Variants in BMERB1 observed in about 807,000 individuals in gnomAD.
The protein encoded by BMERB1 is bMERB domain-containing protein 1.
Under a neutral mutation model 23.6 loss-of-function variants are expected in BMERB1, and 12 were observed. That is an observed-to-expected ratio of 0.51 (90% confidence interval 0.33 to 0.82). BMERB1 has a LOEUF of 0.82. BMERB1 is among the 40% of genes least tolerant of loss of function. BMERB1 has a pLI of 0.03. For missense variants in BMERB1, 247 were observed against 255.4 expected (o/e 0.97, Z 0.22); for synonymous variants, 122 against 96.6 (o/e 1.26, Z -1.54).
At chr16:15,466,235 A>G (rs185304313) in intron 1 of BMERB1, among the ~76,000 whole-genome samples, 12 of 152,302 alleles carry the variant, frequency 7.9e-5, no homozygotes, top group Admixed American at 7.9e-4. Context: ...TTATATTTTC[A>G]CCAGCCAACC....
chr16:15,511,023 T>C (rs896718368), intron 1 of BMERB1, among the ~76,000 whole-genome samples: 5 of 151,824 alleles, frequency 3.3e-5, no homozygotes, highest in African/African-American at 7.3e-5. Context: ...TTCGATCCTA[T>C]TCCTCCCTCC....
At chr16:15,495,434 T>G (rs1203233248) in intron 1 of BMERB1, among the ~76,000 whole-genome samples, 2 of 151,978 alleles carry the variant, frequency 1.3e-5, no homozygotes, top group East Asian at 3.9e-4. Context: ...GGCATGATCT[T>G]GGCTCACTAC....
chr16:15,526,881 T>C (rs1045788636), intron 2 of BMERB1, among the ~76,000 whole-genome samples: 2 of 149,078 alleles, frequency 1.3e-5, no homozygotes, highest in African/African-American at 4.9e-5. Context: ...TGCTTTATTA[T>C]TCCATAAAAA....
At chr16:15,521,425 C>T (rs1312706950) in intron 2 of BMERB1, among the ~76,000 whole-genome samples, 1 of 152,202 alleles carries the variant, frequency 6.6e-6, no homozygotes, top group African/African-American at 2.4e-5. Flanking sequence ...TATTGTGGAC[C>T]TAGGCTTGTG....
intron 1 of BMERB1, among the ~76,000 whole-genome samples, chr16:15,463,355 A>G (rs946484426): frequency 4.6e-5 from 7 of 152,038 alleles, no homozygotes; most frequent in Non-Finnish European, 1.0e-4. Context: ...TGGCCTCCCA[A>G]AGCCCTGGGA....
chr16:15,486,021 C>T (rs1001188757), intron 1 of BMERB1, among the ~76,000 whole-genome samples: 2 of 152,014 alleles, frequency 1.3e-5, no homozygotes, highest in African/African-American at 2.4e-5. Context: ...GTGGGTGGAT[C>T]ACCTGAGGTC....
chr16:15,489,055 CA>C, intron 1 of BMERB1, among the ~76,000 whole-genome samples: 1 of 152,242 alleles, frequency 6.6e-6, no homozygotes, highest in South Asian at 2.1e-4. Context: ...TCTTTTCCCC[CA>C]GGGGGGTTCA....
chr16:15,443,663 A>G (rs2050960729), intron 1 of BMERB1, among the ~76,000 whole-genome samples: 1 of 152,128 alleles, frequency 6.6e-6, no homozygotes, highest in Non-Finnish European at 1.5e-5. Flanking sequence ...CGAGCCTGTA[A>G]TCCCAGCACT....
intron 1 of BMERB1, among the ~76,000 whole-genome samples, chr16:15,470,612 A>G (rs2150931446): frequency 6.6e-6 from 1 of 150,594 alleles, no homozygotes; most frequent in African/African-American, 2.4e-5. Flanking sequence ...TGCAACCTCC[A>G]ACTCTCAGGT....
chr16:15,583,327 C>T, intron 5 of BMERB1, 89 bp downstream of exon 5: 2 of 1,107,196 alleles, frequency 1.8e-6, no homozygotes, highest in Non-Finnish European at 2.7e-6. Context: ...CCTGTAATCC[C>T]AGCACTATGA....
intron 2 of BMERB1, among the ~76,000 whole-genome samples, chr16:15,534,948 C>G (rs1381871909): frequency 6.6e-6 from 1 of 152,220 alleles, no homozygotes; most frequent in African/African-American, 2.4e-5. Context: ...TACCATCTGT[C>G]AAGATGCTAG....
At chr16:15,460,173 T>C (rs1012476413) in intron 1 of BMERB1, among the ~76,000 whole-genome samples, 6 of 152,176 alleles carry the variant, frequency 3.9e-5, no homozygotes, top group Admixed American at 3.9e-4. Flanking sequence ...TCAGGAATTA[T>C]TGGAGTAGGT....
At chr16:15,540,875 C>G (rs746985208) in intron 2 of BMERB1, among the ~76,000 whole-genome samples, 7 of 152,132 alleles carry the variant, frequency 4.6e-5, no homozygotes, top group African/African-American at 1.7e-4. Flanking sequence ...TTTTCTGATA[C>G]CAAATACGTG....
At chr16:15,546,547 A>G (rs950595715) in intron 2 of BMERB1, among the ~76,000 whole-genome samples, 2 of 152,174 alleles carry the variant, frequency 1.3e-5, no homozygotes, top group East Asian at 1.9e-4. Flanking sequence ...AGTTACAGGG[A>G]AAAAGCCTGG....
At chr16:15,503,286 ATT>A (rs376190337) in intron 1 of BMERB1, among the ~76,000 whole-genome samples, 1 of 145,296 alleles carries the variant, frequency 6.9e-6, no homozygotes. Context: ...ACATCCAAGG[ATT>A]TTTTTTTTTT....
At chr16:15,507,774 A>G (rs1239353980) in intron 1 of BMERB1, among the ~76,000 whole-genome samples, 1 of 152,178 alleles carries the variant, frequency 6.6e-6, no homozygotes, top group Non-Finnish European at 1.5e-5. Flanking sequence ...TCATTTATTC[A>G]GGTCCTGTAT....
chr16:15,579,066 A>G (rs2030943812), intron 3 of BMERB1, among the ~76,000 whole-genome samples: 1 of 151,248 alleles, frequency 6.6e-6, no homozygotes, highest in East Asian at 1.9e-4. Flanking sequence ...GACAGAACAC[A>G]TGGATGAATG....
intron 1 of BMERB1, among the ~76,000 whole-genome samples, chr16:15,440,327 G>T (rs529016078): frequency 3.8e-4 from 57 of 150,234 alleles, no homozygotes; most frequent in South Asian, 1.3e-3. Context: ...TTGGAATGAA[G>T]TAGAGAGCTC....
intron 1 of BMERB1, among the ~76,000 whole-genome samples, chr16:15,462,478 C>A (rs371938959): frequency 1.3e-5 from 2 of 151,994 alleles, no homozygotes; most frequent in Admixed American, 1.3e-4. Flanking sequence ...AACCTGGCAG[C>A]CTTAAGTCCA....
Sources: allele counts gnomAD v4.1 joint callset (sites outside exome capture counted in the v4.1 genomes callset), GRCh38; gene constraint gnomAD v4.1.1; transcripts MANE v1.5; gene names NCBI Gene and HGNC (gene_info 2026-07-23, HGNC 2026-07-21).